Variants in NUDT7 observed in about 807,000 individuals in gnomAD.
NUDT7 encodes nudix hydrolase 7, also known as peroxisomal coenzyme A diphosphatase NUDT7.
In NUDT7, 19 loss-of-function variants were observed where a neutral mutation model predicts 13.1. The observed-to-expected ratio is 1.45, with a 90% CI of 1.01 to 2.13. NUDT7 has a LOEUF of 2.13. NUDT7 is among the 30% of genes most tolerant of loss of function. The pLI, the probability that NUDT7 is intolerant of heterozygous loss-of-function variation, is 0.00. For missense variants in NUDT7, 360 were observed against 291.7 expected (o/e 1.23, Z -1.71); for synonymous variants, 132 against 109.7 (o/e 1.20, Z -1.27).
chr16:77,722,634 C>G lies in NUDT7; in HGVS notation c.35+17C>G, dbSNP rs769869380. On this transcript the variant is annotated intron_variant, in intron 1 of 3. Transcript: ENST00000268533. ...GCCAGTCAGGTAAAGGCTTTCCGGG[C>G]CCTGGCACCCCGAGCTTGGTCAGGC... 9.5e-6 allele frequency: 15 copies of G among 1,585,064 alleles called. No homozygotes were observed. Among genetic ancestry groups the G allele is most frequent in the Non-Finnish European group, 1.2e-5 (14 of 1,164,700 alleles).
chr16:77,732,003 A>G (rs78409162), intron 2 of NUDT7, among the ~76,000 whole-genome samples: 2 of 152,152 alleles, frequency 1.3e-5, no homozygotes, highest in Non-Finnish European at 2.9e-5. Context: ...AGTAAGAAGT[A>G]ATAGTAAGCT....
intron 1 of NUDT7, among the ~76,000 whole-genome samples, chr16:77,723,364 A>G (rs1210160793): frequency 6.6e-6 from 1 of 152,082 alleles, no homozygotes; most frequent in Non-Finnish European, 1.5e-5. Context: ...GCCGTTACCC[A>G]ACCACATCTG....
Position 77,742,100 on chromosome 16 carries a change from C to G in NUDT7, c.*150C>G. On this transcript the variant is annotated 3_prime_UTR_variant, in exon 4 of 4. Coordinates refer to ENST00000268533, the MANE Select transcript of NUDT7 (RefSeq NM_001105663.3). Reference sequence around the variant, plus strand: ...GAATCCTTGCCTCTTTTCCAGTTGCCTTCTATTGTCTGAAAAAGTAAAAGC... The same window carrying G: ...GAATCCTTGCCTCTTTTCCAGTTGCGTTCTATTGTCTGAAAAAGTAAAAGC... 2 of 1,394,282 alleles carry G rather than the reference C, an allele frequency of 1.4e-6. No homozygotes were observed. Among genetic ancestry groups the G allele is most frequent in the Non-Finnish European group, 1.9e-6 (2 of 1,079,716 alleles). 86.4% of individuals were successfully genotyped at this position (1,394,282 alleles called of 1,614,324 possible).
At chr16:77,727,899 G>C (rs1397272253) in intron 2 of NUDT7, among the ~76,000 whole-genome samples, 1 of 151,734 alleles carries the variant, frequency 6.6e-6, no homozygotes, top group Non-Finnish European at 1.5e-5. Flanking sequence ...AAATAAAAGA[G>C]AATTGTCTAA....
intron 1 of NUDT7, among the ~76,000 whole-genome samples, 183 bp from the exon 2 acceptor site, chr16:77,725,248 T>C (rs78791530): frequency 0.014 from 2,061 of 152,344 alleles, 58 homozygotes; most frequent in Admixed American, 0.062. Context: ...TTTGTCATTT[T>C]CATCTTGCGA....
At chr16:77,741,513 G>C in intron 3 of NUDT7, 69 bp from the exon 4 acceptor site, 2 of 1,464,934 alleles carry the variant, frequency 1.4e-6, no homozygotes, top group Middle Eastern at 4.1e-4. Context: ...CCTAGAAGTG[G>C]CATGATTTTA....
chr16:77,727,880 T>TAA (rs10699414), intron 2 of NUDT7, among the ~76,000 whole-genome samples: 52,317 of 151,154 alleles, frequency 0.35, 10,519 homozygotes, highest in African/African-American at 0.58. Context: ...TAAATAAAAA[T>TAA]AAATAAATAA....
intron 2 of NUDT7, among the ~76,000 whole-genome samples, chr16:77,726,162 T>G (rs2014129372): frequency 6.6e-6 from 1 of 152,232 alleles, no homozygotes; most frequent in Non-Finnish European, 1.5e-5. Flanking sequence ...GCTGTCCACG[T>G]TGAATCCAGG....
At chr16:77,724,501 G>T (rs184505058) in intron 1 of NUDT7, among the ~76,000 whole-genome samples, 2 of 151,410 alleles carry the variant, frequency 1.3e-5, no homozygotes, top group Admixed American at 6.6e-5. Context: ...TCAAACTCCT[G>T]GGCCCAAGCA....
chr16:77,734,003 G>T (rs1316098892), intron 2 of NUDT7, among the ~76,000 whole-genome samples: 1 of 152,122 alleles, frequency 6.6e-6, no homozygotes, highest in African/African-American at 2.4e-5. Context: ...GTAATTTTAG[G>T]ATGCTATAGA....
In NUDT7 at chr16:77,725,572, C is replaced by T; in HGVS notation, c.177C>T (p.Val59=). The T allele has an allele frequency of 6.2e-7, 1 of 1,614,062 alleles. No homozygotes were observed. The highest frequency in any genetic ancestry group is 8.5e-7 in the Non-Finnish European group (1 of 1,179,992). ...GAAAACTCCATTTGTTGTTCACCGT[C>T]CGGTCAGAGAAGGTAGGTGGACAAA... ...KEGKLHLLFT[V]RSEKLRRAPG... Residue 59 remains valine, a synonymous_variant, in exon 2 of 4, where the codon GTC becomes GTT. Coordinates refer to ENST00000268533, the MANE Select transcript of NUDT7 (RefSeq NM_001105663.3).
chr16:77,731,839 A>T (rs1436469489), intron 2 of NUDT7, among the ~76,000 whole-genome samples: 4 of 152,006 alleles, frequency 2.6e-5, no homozygotes, highest in Non-Finnish European at 4.4e-5. Context: ...TTAGCAAGAA[A>T]GTTTAAAAAG....
chr16:77,722,745 A>T, intron 1 of NUDT7, 128 bp downstream of exon 1: 2 of 840,764 alleles, frequency 2.4e-6, no homozygotes, highest in South Asian at 1.5e-5. Flanking sequence ...CGAGCGCCGG[A>T]TGGGGGAGCA....
Position 77,735,991 on chromosome 16 carries a change from GGGTTTCCTGAGA to G in NUDT7, c.348+6_348+17del, listed in dbSNP as rs767237018. 84 of 1,613,792 alleles carry G rather than the reference GGGTTTCCTGAGA, an allele frequency of 5.2e-5. No individual in the cohort carries two copies. The highest frequency in any genetic ancestry group is 7.0e-5 in the Non-Finnish European group (83 of 1,179,894). On this transcript the variant is annotated splice_donor_region_variant and intron_variant, in intron 3 of 3. Transcript: ENST00000268533. ...CTGGTGCCATGTCTTATTGATGTAAGGGTTTCCTGAGACACTCATGAGCACCGTCCCCACCCC... is the reference window on the plus strand; with the variant it reads ...CTGGTGCCATGTCTTATTGATGTAAGCACTCATGAGCACCGTCCCCACCCC...
At chr16:77,726,940 G>T (rs2344152) in intron 2 of NUDT7, among the ~76,000 whole-genome samples, 49,804 of 150,994 alleles carry the variant, frequency 0.33, 9,237 homozygotes, top group African/African-American at 0.52. Flanking sequence ...CTCAGGGAGT[G>T]TACCATCATG....
At position 77,741,880 on chromosome 16, in the gene NUDT7, TTAA is replaced by T. The variant is rs2014678755; in HGVS notation, c.649_651del (p.Asn217del). On this transcript the variant is annotated inframe_deletion, in exon 4 of 4. Transcript: ENST00000268533. Reference sequence around the variant, plus strand: ...CCCACCTTTGAGGTTCAATTTAATCTTAATGATGTATTAGCATCCTCTGAAGAG... The same window carrying T: ...CCCACCTTTGAGGTTCAATTTAATCTTGATGTATTAGCATCCTCTGAAGAG... 3.1e-6 allele frequency: 5 copies of T among 1,614,110 alleles called. No homozygotes were observed. In the East Asian group the frequency reaches 8.9e-5, roughly 29 times the overall value.
At chr16:77,728,601 C>T (rs2014216451) in intron 2 of NUDT7, among the ~76,000 whole-genome samples, 1 of 152,168 alleles carries the variant, frequency 6.6e-6, no homozygotes, top group East Asian at 1.9e-4. Flanking sequence ...CTGAAAACAG[C>T]GCCTCATGTG....
At chr16:77,725,843 T>A (rs957767052) in intron 2 of NUDT7, among the ~76,000 whole-genome samples, 13 of 152,224 alleles carry the variant, frequency 8.5e-5, no homozygotes, top group Admixed American at 7.2e-4. Flanking sequence ...GCTATTGGCA[T>A]TTGGGGCTGA....
At chr16:77,737,514 C>G (rs1163314011) in intron 3 of NUDT7, 1 of 150,454 alleles carries the variant, frequency 6.6e-6, no homozygotes, top group Non-Finnish European at 1.5e-5. Flanking sequence ...TGACACAAGT[C>G]TCGCTCTGTC....
Sources: gnomAD v4.1 joint callset for allele counts (sites outside exome capture counted in the v4.1 genomes callset) on GRCh38, gnomAD v4.1.1 for gene constraint, MANE v1.5 for transcripts, NCBI Gene and HGNC (gene_info 2026-07-23, HGNC 2026-07-21) for gene names.